The following TMPRSS4 variants were observed in gnomAD, a reference collection of about 807,000 sequenced individuals.
TMPRSS4 encodes transmembrane protease serine 4.
A neutral mutation model predicts 56.4 loss-of-function variants in TMPRSS4; 45 were observed. The observed-to-expected ratio is 0.80, with a 90% CI of 0.63 to 1.02. The LOEUF (loss-of-function observed/expected upper bound fraction) is 1.02, where lower values mean the gene tolerates loss of function less well. Among genes scored for constraint, TMPRSS4 ranks in the 50% least tolerant of loss-of-function variants. The pLI is 0.00. For missense variants in TMPRSS4, 546 were observed against 556.7 expected (o/e 0.98, Z 0.19); for synonymous variants, 205 against 211.0 (o/e 0.97, Z 0.25).
chr11:118,078,439 C>T (rs138907910), intron 1 of TMPRSS4, among the ~76,000 whole-genome samples: 3 of 152,184 alleles, frequency 2.0e-5, no homozygotes, highest in African/African-American at 2.4e-5. Context: ...GCACTTCCCA[C>T]GACACTCTTC....
rs1565423588 is a variant in TMPRSS4 at position 118,097,012 on chromosome 11, GAAA to G, written c.44-1972_44-1970del. 3.3e-4 allele frequency among the ~76,000 whole-genome samples: 28 copies of G among 85,156 alleles called. 3 individuals carry two copies. The highest frequency in any genetic ancestry group is 9.4e-4 in the African/African-American group (20 of 21,334). The allele number at this position is 85,156 out of a possible 152,430, so 55.9% of individuals were successfully genotyped here. ...AGAAAGAAAGAAAGAAAGAAAGAAA[GAAA>G]GAAAGAAAGAAAGAAAGAAAAGGAA... On this transcript the variant is annotated intron_variant, in intron 2 of 12. Coordinates refer to ENST00000437212, the MANE Select transcript of TMPRSS4 (RefSeq NM_019894.4).
At chr11:118,094,042 C>G (rs567954109) in intron 1 of TMPRSS4, among the ~76,000 whole-genome samples, 1 of 152,198 alleles carries the variant, frequency 6.6e-6, no homozygotes, top group Non-Finnish European at 1.5e-5. Flanking sequence ...CTACCAGTGA[C>G]TGACGTTTGG....
intron 1 of TMPRSS4, among the ~76,000 whole-genome samples, chr11:118,089,423 G>T (rs948461): frequency 0.22 from 33,625 of 152,124 alleles, 4,440 homozygotes; most frequent in Non-Finnish European, 0.31. Flanking sequence ...TGAGCCTTGG[G>T]TGCATAGCAT....
Position 118,117,335 on chromosome 11 carries a change from T to A in TMPRSS4, c.1183T>A (p.Ser395Thr). The A allele has an allele frequency of 6.2e-7, 1 of 1,614,130 alleles. No individual in the cohort carries two copies. Among genetic ancestry groups the A allele is most frequent in the South Asian group, 1.1e-5 (1 of 91,072 alleles). Residue 395 changes from serine (S) to threonine (T), a missense_variant, in exon 12 of 13, where the codon TCT becomes ACT. Coordinates refer to ENST00000437212, the MANE Select transcript of TMPRSS4 (RefSeq NM_019894.4). ...GDSGGPLMYQ[S>T]DQWHVVGIVS... Reference sequence around the variant, plus strand: ...CAGTGGTGGGCCCCTGATGTACCAATCTGACCAGTGGCATGTGGTGGGCAT... The same window carrying A: ...CAGTGGTGGGCCCCTGATGTACCAAACTGACCAGTGGCATGTGGTGGGCAT...
chr11:118,101,489 T>G lies in TMPRSS4; in HGVS notation c.158-1612T>G, dbSNP rs541793638. Among the ~76,000 whole-genome samples the G allele has an allele frequency of 7.2e-5, 11 of 152,186 alleles. No individual in the cohort carries two copies. In the South Asian group the frequency reaches 2.3e-3, roughly 32 times the overall value. On this transcript the variant is annotated intron_variant, in intron 3 of 12. Coordinates refer to ENST00000437212, the MANE Select transcript of TMPRSS4 (RefSeq NM_019894.4). Reference sequence around the variant, plus strand: ...TTGTTTGTATGTCTGTCTGCTTGTTTGTTTGAGACAAGGTCTTGCTCTCTT... The same window carrying G: ...TTGTTTGTATGTCTGTCTGCTTGTTGGTTTGAGACAAGGTCTTGCTCTCTT...
At chr11:118,096,884 AAAGAAAGAAAGAAAGAAAGAAAGAAAGG>A (rs1327566593) in intron 2 of TMPRSS4, among the ~76,000 whole-genome samples, 1 of 54,210 alleles carries the variant, frequency 1.8e-5, no homozygotes, top group African/African-American at 7.6e-5. Flanking sequence ...AGAAAGAAAG[AAAGAAAGAAAGAAAGAAAGAAAGAAAGG>A]GAGAGAGAAA....
chr11:118,112,109 G>A (rs1041404782), intron 8 of TMPRSS4, among the ~76,000 whole-genome samples: 6 of 152,100 alleles, frequency 3.9e-5, no homozygotes, highest in Non-Finnish European at 7.4e-5. Context: ...ACCAAGCATG[G>A]CCTCTTCCTG....
chr11:118,077,096 G>C lies in TMPRSS4; in HGVS notation c.-207G>C. The C allele has an allele frequency of 3.6e-6, 2 of 553,894 alleles. No individual in the cohort carries two copies. Among genetic ancestry groups the C allele is most frequent in the South Asian group, 4.7e-5 (2 of 42,198 alleles). 34.3% of individuals were successfully genotyped at this position (553,894 alleles called of 1,614,324 possible). A position where few individuals can be genotyped will look rare whatever the true frequency, so the allele number is the denominator to read the frequency against. ...CCCAATCACTCCTGGAATACACAGA[G>C]AGAGGCAGCAGCTTGCTCAGCGGAC... is the stretch of plus-strand genomic sequence containing the variant. On this transcript the variant is annotated 5_prime_UTR_variant, in exon 1 of 13. Transcript: ENST00000437212.
intron 1 of TMPRSS4, among the ~76,000 whole-genome samples, chr11:118,094,017 A>G (rs1591367578): frequency 6.6e-6 from 1 of 152,212 alleles, no homozygotes; most frequent in Non-Finnish European, 1.5e-5. Flanking sequence ...ATATGAAAAT[A>G]CCAGTTTATC....
At chr11:118,084,502 A>T (rs1945393828) in intron 1 of TMPRSS4, among the ~76,000 whole-genome samples, 1 of 152,210 alleles carries the variant, frequency 6.6e-6, no homozygotes, top group African/African-American at 2.4e-5. Context: ...GAGTCACTGA[A>T]ACCTGTGCCA....
chr11:118,122,155 G>C (rs1367362457), downstream of TMPRSS4, among the ~76,000 whole-genome samples: 2 of 152,020 alleles, frequency 1.3e-5, no homozygotes, highest in Non-Finnish European at 2.9e-5. Context: ...GGAACAAATA[G>C]AATATACAAA....
At chr11:118,092,074 A>T (rs1363486767) in intron 1 of TMPRSS4, among the ~76,000 whole-genome samples, 2 of 152,212 alleles carry the variant, frequency 1.3e-5, no homozygotes, top group African/African-American at 2.4e-5. Context: ...TGTTAAATTT[A>T]AAAAAGCAAC....
At chr11:118,116,714 G>GTTT (rs1947569705) in intron 11 of TMPRSS4, among the ~76,000 whole-genome samples, 1 of 87,348 alleles carries the variant, frequency 1.1e-5, no homozygotes. Context: ...TGATAACCAG[G>GTTT]CTTTTTTTTT....
chr11:118,107,916 C>T (rs774793300), intron 6 of TMPRSS4, 41 bp downstream of exon 6: 18 of 1,555,756 alleles, frequency 1.2e-5, no homozygotes, highest in Non-Finnish European at 8.8e-6. Flanking sequence ...AAGGCCCCCA[C>T]ATGGACGCTG....
intron 11 of TMPRSS4, among the ~76,000 whole-genome samples, chr11:118,116,851 A>G (rs1947583533): frequency 6.6e-6 from 1 of 151,236 alleles, no homozygotes; most frequent in Non-Finnish European, 1.5e-5. Flanking sequence ...AGCTGGGATT[A>G]CAGGTGCCTG....
At chr11:118,091,141 C>T (rs750777788) in intron 1 of TMPRSS4, among the ~76,000 whole-genome samples, 5 of 152,188 alleles carry the variant, frequency 3.3e-5, no homozygotes, top group Non-Finnish European at 7.4e-5. Context: ...AGCACCCTCT[C>T]ACCCACGTAA....
chr11:118,080,081 T>C (rs611475), intron 1 of TMPRSS4, among the ~76,000 whole-genome samples: 27,069 of 152,148 alleles, frequency 0.18, 2,657 homozygotes, highest in East Asian at 0.41. Context: ...TAAATGGGGC[T>C]GGGGATTGGG....
At chr11:118,085,905 AG>A (rs769690781) in intron 1 of TMPRSS4, among the ~76,000 whole-genome samples, 23 of 152,342 alleles carry the variant, frequency 1.5e-4, no homozygotes, top group Non-Finnish European at 3.4e-4. Flanking sequence ...AGCTGAGCAA[AG>A]TAGAGCTGTT....
chr11:118,091,967 T>G (rs1318706152), intron 1 of TMPRSS4, among the ~76,000 whole-genome samples: 1 of 152,156 alleles, frequency 6.6e-6, no homozygotes, highest in African/African-American at 2.4e-5. Flanking sequence ...TTCAGTCCAG[T>G]TCACAGTCAT....
Sources: allele counts gnomAD v4.1 joint callset (sites outside exome capture counted in the v4.1 genomes callset), GRCh38; gene constraint gnomAD v4.1.1; transcripts MANE v1.5; gene names NCBI Gene and HGNC (gene_info 2026-07-23, HGNC 2026-07-21).